SWT1: variants seen among roughly 807,000 people sequenced by gnomAD.
SWT1 encodes SWT1 RNA endoribonuclease homolog, also known as transcriptional protein SWT1.
In SWT1, 33 loss-of-function variants were observed where a neutral mutation model predicts 107.3. The ratio of observed to expected loss-of-function variants is 0.31; its 90% CI spans 0.23 to 0.41. The LOEUF is 0.41. SWT1 is among the 10% of genes least tolerant of loss of function. SWT1 has a pLI of 1.00. For missense variants in SWT1, 898 were observed against 1,028.9 expected (o/e 0.87, Z 1.74); for synonymous variants, 345 against 348.3 (o/e 0.99, Z 0.11).
chr1:185,195,388 C>T (rs1403334490), intron 10 of SWT1, among the ~76,000 whole-genome samples: 1 of 152,176 alleles, frequency 6.6e-6, no homozygotes, highest in African/African-American at 2.4e-5. Flanking sequence ...TTTCTTAATC[C>T]AGTCTATCAC....
Position 185,210,617 on chromosome 1 carries a change from T to G in SWT1, c.1972+3854T>G, listed in dbSNP as rs147860119. Among the ~76,000 whole-genome samples the G allele has an allele frequency of 3.3e-5, 5 of 152,270 alleles. No homozygotes were observed. The East Asian group carries it at 9.6e-4, about 29-fold the overall frequency. On this transcript the variant is annotated intron_variant, in intron 13 of 18. Transcript: ENST00000367500. ...ACTGAATGGGCAAAAGATGGAAGCA[T>G]TCCCTTTGAAAACCAGCACAGGACA... is the stretch of plus-strand genomic sequence containing the variant.
chr1:185,242,926 G>A (rs1157532889), intron 16 of SWT1, among the ~76,000 whole-genome samples: 1 of 152,068 alleles, frequency 6.6e-6, no homozygotes, highest in South Asian at 2.1e-4. Flanking sequence ...TGAAATTAGG[G>A]AGAAATCAAT....
intron 16 of SWT1, among the ~76,000 whole-genome samples, chr1:185,253,821 TA>T (rs1662252197): frequency 6.6e-6 from 1 of 151,530 alleles, no homozygotes; most frequent in Non-Finnish European, 1.5e-5. Flanking sequence ...CCATGTTGAA[TA>T]GGAGTGGTGA....
intron 10 of SWT1, among the ~76,000 whole-genome samples, chr1:185,197,681 T>G (rs1370555944): frequency 1.3e-5 from 2 of 152,226 alleles, no homozygotes; most frequent in East Asian, 1.9e-4. Flanking sequence ...TGATTTAGAC[T>G]TGGTAGGGTG....
intron 18 of SWT1, among the ~76,000 whole-genome samples, chr1:185,277,499 A>G (rs1181156284): frequency 1.3e-5 from 2 of 152,122 alleles, no homozygotes; most frequent in African/African-American, 4.8e-5. Context: ...CATGTTGGCC[A>G]GGCTGGTCTT....
Position 185,174,898 on chromosome 1 carries a change from A to T in SWT1, c.751A>T (p.Asn251Tyr), listed in dbSNP as rs780666340. The change falls in exon 5 of 19, where the codon AAT becomes TAT. Residue 251 changes from asparagine (N) to tyrosine (Y), a missense_variant. By Grantham distance (143) the Asn-to-Tyr change is moderately radical. This residue lies in a region of SWT1 where 382 missense variants were observed against 362.4 expected (regional missense o/e 1.05). Coordinates refer to ENST00000367500, the MANE Select transcript of SWT1 (RefSeq NM_017673.7). ...CACCCTCCAGAAACTTGTAGAAGAAAATGTCTTCAACATAGATTCTAATAA... is the reference window on the plus strand; with the variant it reads ...CACCCTCCAGAAACTTGTAGAAGAATATGTCTTCAACATAGATTCTAATAA... ...RDTLQKLVEE[N>Y]VFNIDSNNSK... is the part of the protein sequence containing the mutation. 6.2e-7 allele frequency: 1 copy of T among 1,614,092 alleles called. No homozygotes were observed. Among genetic ancestry groups the T allele is most frequent in the Non-Finnish European group, 8.5e-7 (1 of 1,179,992 alleles).
intron 4 of SWT1, among the ~76,000 whole-genome samples, chr1:185,169,697 A>G (rs1043897578): frequency 1.3e-5 from 2 of 151,586 alleles, no homozygotes; most frequent in Non-Finnish European, 2.9e-5. Context: ...GTTTGAGACC[A>G]GCCTGGGCGA....
chr1:185,249,214 A>G (rs1242910691), intron 16 of SWT1, among the ~76,000 whole-genome samples: 1 of 152,122 alleles, frequency 6.6e-6, no homozygotes. Context: ...GCTGGTTTCC[A>G]AGAGTGTCCC....
Position 185,290,574 on chromosome 1 carries a change from A to T in SWT1, c.2574-100A>T, listed in dbSNP as rs541887565. The T allele has an allele frequency of 4.9e-4, 390 of 792,018 alleles. 2 individuals are homozygous for T. The highest frequency in any genetic ancestry group is 2.9e-3 in the Middle Eastern group (7 of 2,404). 49.1% of individuals were successfully genotyped at this position (792,018 alleles called of 1,614,324 possible). On this transcript the variant is annotated intron_variant, in intron 18 of 18. Transcript: ENST00000367500. Reference sequence around the variant, plus strand: ...ATCATGTTATACATAATATATATATATTTTTTATTTGTCAATTAAAATGTA... The same window carrying T: ...ATCATGTTATACATAATATATATATTTTTTTTATTTGTCAATTAAAATGTA...
intron 1 of SWT1, among the ~76,000 whole-genome samples, chr1:185,159,779 G>T (rs1653983620): frequency 6.6e-6 from 1 of 152,098 alleles, no homozygotes; most frequent in African/African-American, 2.4e-5. Flanking sequence ...AGGCTGGAGT[G>T]CAGTGGCACA....
At chr1:185,277,297 C>G (rs1281625472) in intron 18 of SWT1, among the ~76,000 whole-genome samples, 1 of 150,686 alleles carries the variant, frequency 6.6e-6, no homozygotes, top group Admixed American at 6.6e-5. Flanking sequence ...TTTATTTTTT[C>G]TTTGACACAG....
intron 1 of SWT1, among the ~76,000 whole-genome samples, chr1:185,157,896 T>C (rs1429250040): frequency 6.6e-6 from 1 of 152,156 alleles, no homozygotes. Context: ...CCCGTACTTC[T>C]CTCCCCTTCA....
intron 16 of SWT1, among the ~76,000 whole-genome samples, 170 bp from the exon 17 acceptor site, chr1:185,271,153 G>C (rs1204303618): frequency 6.6e-6 from 1 of 152,116 alleles, no homozygotes; most frequent in Non-Finnish European, 1.5e-5. Flanking sequence ...GTTGAATTAA[G>C]TTTCTGGTTT....
At chr1:185,272,656 G>A (rs994041131) in intron 17 of SWT1, among the ~76,000 whole-genome samples, 1 of 152,174 alleles carries the variant, frequency 6.6e-6, no homozygotes, top group Admixed American at 6.5e-5. Flanking sequence ...TGAAATGAGA[G>A]TAACAATAGT....
chr1:185,195,165 C>G (rs949225466), intron 10 of SWT1, among the ~76,000 whole-genome samples: 1 of 152,164 alleles, frequency 6.6e-6, no homozygotes, highest in African/African-American at 2.4e-5. Flanking sequence ...AACCACCCGA[C>G]AGGCCCCGGT....
At chr1:185,204,407 T>C (rs1244612274) in intron 11 of SWT1, among the ~76,000 whole-genome samples, 1 of 152,184 alleles carries the variant, frequency 6.6e-6, no homozygotes, top group Non-Finnish European at 1.5e-5. Flanking sequence ...TAAAATTAAA[T>C]TGTAGTTGAA....
chr1:185,212,749 G>A (rs1236029087), intron 13 of SWT1, among the ~76,000 whole-genome samples: 1 of 150,350 alleles, frequency 6.7e-6, no homozygotes, highest in East Asian at 2.0e-4. Context: ...GTTGCAGTGA[G>A]CCGAGATTGC....
intron 12 of SWT1, among the ~76,000 whole-genome samples, chr1:185,205,526 G>A (rs563339205): frequency 2.4e-4 from 36 of 152,146 alleles, no homozygotes; most frequent in Non-Finnish European, 3.7e-4. Flanking sequence ...GTGACATCAC[G>A]CCCAGCTAAT....
chr1:185,193,745 A>G (rs1057502224), intron 10 of SWT1, among the ~76,000 whole-genome samples: 1 of 152,168 alleles, frequency 6.6e-6, no homozygotes, highest in African/African-American at 2.4e-5. Flanking sequence ...GATTACAGGC[A>G]TGAGCCACCT....
Sources: allele counts gnomAD v4.1 joint callset (sites outside exome capture counted in the v4.1 genomes callset), GRCh38; gene constraint gnomAD v4.1.1; regional missense constraint gnomAD v4.1.1; transcripts MANE v1.5; gene names NCBI Gene and HGNC (gene_info 2026-07-23, HGNC 2026-07-21).